The following FOXP2 variants were observed in gnomAD, a reference collection of about 807,000 sequenced individuals.
FOXP2 encodes forkhead box P2.
Under a neutral mutation model 115.8 loss-of-function variants are expected in FOXP2, and 12 were observed. The ratio of observed to expected loss-of-function variants is 0.10; its 90% confidence interval spans 0.07 to 0.17. FOXP2 has a LOEUF of 0.17. Among genes scored for constraint, FOXP2 ranks in the 10% least tolerant of loss-of-function variants. The pLI is 1.00. For synonymous variants in FOXP2, 328 were observed against 297.7 expected (o/e 1.10, Z -1.05); for missense variants, 629 against 843.5 (o/e 0.75, Z 3.15).
At chr7:114,509,664 C>A (rs1584826332) in intron 2 of FOXP2, among the ~76,000 whole-genome samples, 1 of 110,394 alleles carries the variant, frequency 9.1e-6, no homozygotes, top group African/African-American at 4.0e-5. Context: ...GTTTTGTTTT[C>A]TTTGGTGGGG....
chr7:114,555,764 T>C (rs1800425153), intron 3 of FOXP2, among the ~76,000 whole-genome samples: 2 of 152,116 alleles, frequency 1.3e-5, no homozygotes, highest in South Asian at 4.2e-4. Flanking sequence ...ACCACTGCAC[T>C]CCAGCCTGGG....
At position 114,321,919 on chromosome 7, in the gene FOXP2, T is replaced by C. The variant is rs147081689; in HGVS notation, c.-11+33810T>C. Among the ~76,000 whole-genome samples, 9 of 152,314 alleles carry C rather than the reference T, an allele frequency of 5.9e-5. No individual in the cohort carries two copies. In the East Asian group the frequency reaches 1.7e-3, roughly 29 times the overall value. ...ATTAAATAGAGAAAGCCAAGCTTAA[T>C]TTGTAGACCTTCTTATCTCCAAAGC... On this transcript the variant is annotated intron_variant, in intron 2 of 17. Coordinates refer to the FOXP2 transcript ENST00000634411.
intron 2 of FOXP2, among the ~76,000 whole-genome samples, chr7:114,525,681 C>A (rs1798821358): frequency 6.6e-6 from 1 of 152,164 alleles, no homozygotes; most frequent in Admixed American, 6.5e-5. Context: ...CCATTTCCTA[C>A]CTCTGCATGT....
intron 2 of FOXP2, among the ~76,000 whole-genome samples, chr7:114,396,766 A>G (rs185809625): frequency 6.2e-4 from 95 of 152,198 alleles, no homozygotes; most frequent in African/African-American, 2.2e-3. Flanking sequence ...CTACTGCACA[A>G]CATAGGGACT....
chr7:114,291,501 A>C (rs1796589313), intron 2 of FOXP2, among the ~76,000 whole-genome samples: 1 of 152,144 alleles, frequency 6.6e-6, no homozygotes, highest in Non-Finnish European at 1.5e-5. Flanking sequence ...ATTTTCATAT[A>C]TGTAGAAGCT....
chr7:114,135,220 A>G (rs1353318491), intron 1 of FOXP2, among the ~76,000 whole-genome samples: 1 of 152,164 alleles, frequency 6.6e-6, no homozygotes, highest in Non-Finnish European at 1.5e-5. Flanking sequence ...TCTTACTGCT[A>G]ATTTAATGAG....
At chr7:114,328,128 C>T (rs1309436065) in intron 2 of FOXP2, among the ~76,000 whole-genome samples, 3 of 151,668 alleles carry the variant, frequency 2.0e-5, no homozygotes, top group African/African-American at 7.3e-5. Flanking sequence ...CCATGTTTCC[C>T]AGGCTAGACT....
At chr7:114,271,443 A>G (rs1483530442) in intron 1 of FOXP2, among the ~76,000 whole-genome samples, 1 of 142,794 alleles carries the variant, frequency 7.0e-6, no homozygotes, top group African/African-American at 2.6e-5. Context: ...AAGTTAAGGA[A>G]GTTCCCATCT....
chr7:114,115,377 T>G (rs1358378956), intron 1 of FOXP2, among the ~76,000 whole-genome samples: 1 of 152,164 alleles, frequency 6.6e-6, no homozygotes, highest in Non-Finnish European at 1.5e-5. Flanking sequence ...GTTATCCCTG[T>G]GGTTATAATG....
In FOXP2 at chr7:114,691,894, T is replaced by A. The variant is rs1349544159; in HGVS notation, c.*1968T>A. 9 of 449,610 alleles carry A rather than the reference T, an allele frequency of 2.0e-5. No individual in the cohort carries two copies. The highest frequency in any genetic ancestry group is 1.2e-4 in the Admixed American group (5 of 41,868). The allele number at this position is 449,610 out of a possible 1,614,324, so 27.9% of individuals were successfully genotyped here. A position where few individuals can be genotyped will look rare whatever the true frequency, so the allele number is the denominator to read the frequency against. ...ACGGCTTTCAAAAGGGTTTTCCCAC[T>A]TACCCAAAAGGCTTTCTGAAAGCTT... On this transcript the variant is annotated 3_prime_UTR_variant, in exon 17 of 17. Transcript: ENST00000350908.
At chr7:114,289,763 T>G (rs1432342820) in intron 2 of FOXP2, among the ~76,000 whole-genome samples, 3 of 151,930 alleles carry the variant, frequency 2.0e-5, no homozygotes, top group Non-Finnish European at 2.9e-5. Context: ...AGTGGCAGTT[T>G]TTAAATATTT....
chr7:114,597,576 T>A (rs1403355906), intron 3 of FOXP2, among the ~76,000 whole-genome samples: 1 of 152,128 alleles, frequency 6.6e-6, no homozygotes, highest in Non-Finnish European at 1.5e-5. Context: ...TAAGCCAATG[T>A]GCATCCAGGC....
chr7:114,239,476 G>T (rs998428655), intron 1 of FOXP2, among the ~76,000 whole-genome samples: 1 of 151,950 alleles, frequency 6.6e-6, no homozygotes, highest in African/African-American at 2.4e-5. Flanking sequence ...GAATTAAATG[G>T]GTTGGCATTT....
intron 16 of FOXP2, among the ~76,000 whole-genome samples, chr7:114,686,404 C>T (rs1343941424): frequency 6.6e-6 from 1 of 152,152 alleles, no homozygotes; most frequent in Non-Finnish European, 1.5e-5. Flanking sequence ...AACCCCTGAC[C>T]TCAAGTGATC....
At chr7:114,188,420 C>G (rs560380773) in intron 1 of FOXP2, among the ~76,000 whole-genome samples, 1 of 152,216 alleles carries the variant, frequency 6.6e-6, no homozygotes, top group South Asian at 2.1e-4. Context: ...ATTTTTCCCT[C>G]CATGCCATAT....
intron 2 of FOXP2, among the ~76,000 whole-genome samples, chr7:114,446,923 T>G (rs1794860472): frequency 6.6e-6 from 1 of 151,830 alleles, no homozygotes; most frequent in Middle Eastern, 3.4e-3. Context: ...TAATTTTTGT[T>G]TTTTTTAGTA....
intron 16 of FOXP2, among the ~76,000 whole-genome samples, chr7:114,687,737 A>G (rs1808440094): frequency 6.6e-6 from 1 of 152,210 alleles, no homozygotes; most frequent in African/African-American, 2.4e-5. Context: ...CAGTACTTTT[A>G]GAAGCCTTTC....
At chr7:114,633,141 T>G (rs1805011153) in intron 6 of FOXP2, among the ~76,000 whole-genome samples, 1 of 152,138 alleles carries the variant, frequency 6.6e-6, no homozygotes. Context: ...TACCACAATC[T>G]TATTTTATTA....
intron 1 of FOXP2, among the ~76,000 whole-genome samples, chr7:114,253,098 G>A (rs547040988): frequency 5.3e-5 from 8 of 152,244 alleles, no homozygotes; most frequent in South Asian, 4.1e-4. Context: ...GTAATTGAGC[G>A]GTTTTGGGTG....
Sources: allele counts gnomAD v4.1 joint callset (sites outside exome capture counted in the v4.1 genomes callset), GRCh38; gene constraint gnomAD v4.1.1; transcripts MANE v1.5; gene names NCBI Gene and HGNC (gene_info 2026-07-23, HGNC 2026-07-21).